Variants in CTNNA3 observed in about 807,000 individuals in gnomAD.
The protein encoded by CTNNA3 is catenin alpha-3.
In CTNNA3, 76 loss-of-function variants were observed where a neutral mutation model predicts 95.7. That is an observed-to-expected ratio of 0.79 (90% CI 0.66 to 0.96). The LOEUF is 0.96. Among genes scored for constraint, CTNNA3 ranks in the 40% least tolerant of loss-of-function variants. CTNNA3 has a pLI of 0.00. For missense variants in CTNNA3, 1,191 were observed against 1,089.8 expected (o/e 1.09, Z -1.31); for synonymous variants, 431 against 374.4 (o/e 1.15, Z -1.74).
intron 3 of CTNNA3, among the ~76,000 whole-genome samples, chr10:67,554,526 C>T (rs1260600037): frequency 2.6e-5 from 4 of 152,178 alleles, no homozygotes; most frequent in Non-Finnish European, 5.9e-5. Flanking sequence ...AGCATTTTTT[C>T]ATGTGTCTGT....
intron 5 of CTNNA3, among the ~76,000 whole-genome samples, chr10:67,360,685 G>C (rs1842965440): frequency 6.6e-6 from 1 of 152,120 alleles, no homozygotes; most frequent in Non-Finnish European, 1.5e-5. Flanking sequence ...AAGGCAAAGA[G>C]GGAGCAGGCA....
chr10:66,790,765 T>C (rs4387244), intron 7 of CTNNA3, among the ~76,000 whole-genome samples: 129,780 of 152,114 alleles, frequency 0.85, 55,914 homozygotes, highest in East Asian at 1. Context: ...TTTAATCGTC[T>C]TAACAGAATT....
At chr10:66,491,548 C>T (rs978347612) in intron 11 of CTNNA3, among the ~76,000 whole-genome samples, 10 of 151,994 alleles carry the variant, frequency 6.6e-5, no homozygotes, top group African/African-American at 2.2e-4. Flanking sequence ...TACATATTTG[C>T]CCATGAGAAA....
intron 17 of CTNNA3, among the ~76,000 whole-genome samples, chr10:65,948,101 C>A (rs540734105): frequency 3.3e-5 from 5 of 152,026 alleles, no homozygotes; most frequent in Admixed American, 2.6e-4. Context: ...CACGGTGAAA[C>A]CCCGTCTCTA....
At chr10:67,170,995 T>C (rs1861993725) in intron 7 of CTNNA3, among the ~76,000 whole-genome samples, 2 of 152,226 alleles carry the variant, frequency 1.3e-5, no homozygotes, top group Non-Finnish European at 1.5e-5. Context: ...ATTGAAATGA[T>C]GATATTTTGC....
chr10:67,708,258 G>A (rs1841088845), intron 1 of CTNNA3, among the ~76,000 whole-genome samples: 1 of 152,100 alleles, frequency 6.6e-6, no homozygotes, highest in Non-Finnish European at 1.5e-5. Flanking sequence ...AGTCAATCAT[G>A]TCTGCTTTAG....
chr10:66,961,106 G>A (rs1849087060), intron 7 of CTNNA3, among the ~76,000 whole-genome samples: 1 of 152,104 alleles, frequency 6.6e-6, no homozygotes, highest in African/African-American at 2.4e-5. Flanking sequence ...TCAATAGCAA[G>A]GTCTTCTAGC....
chr10:66,550,748 CATT>C (rs887326540), intron 10 of CTNNA3, among the ~76,000 whole-genome samples: 6 of 151,898 alleles, frequency 4.0e-5, no homozygotes, highest in African/African-American at 9.7e-5. Context: ...TTTATTATCT[CATT>C]GTAATTTCTG....
intron 10 of CTNNA3, among the ~76,000 whole-genome samples, chr10:66,578,245 A>C (rs1254707977): frequency 6.6e-6 from 1 of 151,988 alleles, no homozygotes; most frequent in Non-Finnish European, 1.5e-5. Context: ...GGGGTTTTCT[A>C]AGCAGAGTCA....
At chr10:67,716,529 T>C (rs1841144357) in intron 1 of CTNNA3, among the ~76,000 whole-genome samples, 1 of 152,182 alleles carries the variant, frequency 6.6e-6, no homozygotes, top group Admixed American at 6.5e-5. Context: ...TGTCCATGTA[T>C]TCTCATTGTT....
Position 66,427,934 on chromosome 10 carries a change from T to G in CTNNA3, c.1532-48582A>C, listed in dbSNP as rs551629766. Among the ~76,000 whole-genome samples, 10 of 151,998 alleles carry G rather than the reference T, an allele frequency of 6.6e-5. No individual in the cohort carries two copies. The South Asian group carries it at 1.9e-3, about 28-fold the overall frequency. On this transcript the variant is annotated intron_variant, in intron 11 of 17. Coordinates refer to ENST00000433211, the MANE Select transcript of CTNNA3 (RefSeq NM_013266.4). ...CCTTAAACGTAAATGGACTAAATGCTCCAATTAAAAGACACAGACTGGCAA... is the reference window on the plus strand; with the variant it reads ...CCTTAAACGTAAATGGACTAAATGCGCCAATTAAAAGACACAGACTGGCAA...
At chr10:66,042,382 C>A (rs908573844) in intron 15 of CTNNA3, among the ~76,000 whole-genome samples, 1 of 151,902 alleles carries the variant, frequency 6.6e-6, no homozygotes, top group Non-Finnish European at 1.5e-5. Context: ...CATAGAAAAA[C>A]TCAATAAATA....
intron 5 of CTNNA3, among the ~76,000 whole-genome samples, chr10:67,271,790 T>C (rs1179310808): frequency 6.6e-6 from 1 of 152,104 alleles, no homozygotes; most frequent in Non-Finnish European, 1.5e-5. Context: ...GTCCATAAGG[T>C]TGAAGAGTTT....
chr10:66,050,493 T>C (rs72793419), intron 15 of CTNNA3, among the ~76,000 whole-genome samples: 31,960 of 151,780 alleles, frequency 0.21, 3,471 homozygotes, highest in Admixed American at 0.25. Flanking sequence ...CAGTGGTAGA[T>C]CATAGCTTAC....
intron 13 of CTNNA3, among the ~76,000 whole-genome samples, chr10:66,112,881 A>C (rs554050865): frequency 4.6e-5 from 7 of 152,244 alleles, no homozygotes; most frequent in Admixed American, 4.6e-4. Flanking sequence ...GTCAATGAAC[A>C]CTTAGATTGT....
intron 13 of CTNNA3, among the ~76,000 whole-genome samples, chr10:66,183,217 A>C (rs7075701): frequency 0.047 from 7,205 of 152,286 alleles, 213 homozygotes; most frequent in African/African-American, 0.066. Context: ...CTGGCTCTCT[A>C]TCTCTTTTGT....
chr10:66,969,614 C>T (rs1849613879), intron 7 of CTNNA3, among the ~76,000 whole-genome samples: 1 of 152,100 alleles, frequency 6.6e-6, no homozygotes, highest in African/African-American at 2.4e-5. Context: ...ATTATAACTG[C>T]TCCCAGTAGT....
intron 7 of CTNNA3, among the ~76,000 whole-genome samples, chr10:67,021,555 A>G (rs372653940): frequency 1.2e-4 from 18 of 152,168 alleles, no homozygotes; most frequent in Non-Finnish European, 2.1e-4. Context: ...ATGGGTTGCT[A>G]TGTAGCTATC....
intron 3 of CTNNA3, among the ~76,000 whole-genome samples, chr10:67,571,025 TA>T (rs755325962): frequency 3.3e-5 from 5 of 152,292 alleles, no homozygotes; most frequent in Middle Eastern, 3.4e-3. Context: ...AGTCAAACAG[TA>T]ACAGGACTAA....
Sources: allele counts gnomAD v4.1 joint callset (sites outside exome capture counted in the v4.1 genomes callset), GRCh38; gene constraint gnomAD v4.1.1; transcripts MANE v1.5; gene names NCBI Gene and HGNC (gene_info 2026-07-23, HGNC 2026-07-21).